Variants in C8A observed in about 807,000 individuals in gnomAD.
The protein encoded by C8A is complement component C8 alpha chain.
In C8A, 67 loss-of-function variants were observed where a neutral mutation model predicts 65.3. That is an observed-to-expected ratio of 1.03 (90% CI 0.84 to 1.26). C8A has a LOEUF of 1.26. C8A is among the 50% of genes most tolerant of loss of function. C8A has a pLI of 0.00. For synonymous variants in C8A, 290 were observed against 259.4 expected, an observed-to-expected ratio of 1.12 and a Z score of -1.13; for missense variants, 781 against 723.9, an observed-to-expected ratio of 1.08 and a Z score of -0.90.
At chr1:56,855,046 T>C (rs1643960148) in intron 1 of C8A, 68 bp downstream of exon 1, 3 of 1,163,934 alleles carry the variant, frequency 2.6e-6, no homozygotes, top group African/African-American at 3.0e-5. Context: ...TAAGACACTT[T>C]TATGTTTGCA....
At chr1:56,885,439 AGTAAATAT>A (rs1644290105) in intron 6 of C8A, among the ~76,000 whole-genome samples, 11 of 119,450 alleles carry the variant, frequency 9.2e-5, no homozygotes, top group African/African-American at 4.1e-4. Context: ...TATATATTTA[AGTAAATAT>A]ATATATATTT....
chr1:56,882,763 C>T (rs6588657), intron 5 of C8A, among the ~76,000 whole-genome samples: 15,332 of 152,148 alleles, frequency 0.1, 999 homozygotes, highest in Non-Finnish European at 0.15. Flanking sequence ...TCAGGCAAGA[C>T]GGACTAAGTG....
chr1:56,879,015 C>T (rs1010018306), intron 4 of C8A, among the ~76,000 whole-genome samples: 2 of 152,204 alleles, frequency 1.3e-5, no homozygotes, highest in Non-Finnish European at 2.9e-5. Flanking sequence ...TCTTCTATAA[C>T]ATAGTTAGCA....
At chr1:56,911,821 T>C (rs538570575) in intron 9 of C8A, among the ~76,000 whole-genome samples, 6 of 152,216 alleles carry the variant, frequency 3.9e-5, no homozygotes, top group Non-Finnish European at 7.3e-5. Context: ...ACAACAACAC[T>C]ACCTGTCAAG....
intron 4 of C8A, among the ~76,000 whole-genome samples, chr1:56,880,305 G>T (rs1644237660): frequency 6.6e-6 from 1 of 152,000 alleles, no homozygotes; most frequent in African/African-American, 2.4e-5. Context: ...ACTCTAGAAA[G>T]GAAAGTATAG....
At chr1:56,913,529 A>T (rs2101313348) in intron 10 of C8A, among the ~76,000 whole-genome samples, 1 of 152,354 alleles carries the variant, frequency 6.6e-6, no homozygotes, top group African/African-American at 2.4e-5. Flanking sequence ...CAGATACTTT[A>T]CTAAGTCACT....
rs762930415 is a variant in C8A, at chr1:56,875,091, C to G, written c.314C>G (p.Thr105Arg). Residue 105 changes from threonine to arginine, a missense_variant and splice_region_variant, in exon 3 of 11, where the codon ACA (threonine) becomes AGA (arginine). Transcript: ENST00000361249. ...GGACAGGATTTCCAGTGTAAGGAGA[C>G]AGGTGAGTAGCATTTCAGCAGAATA... ...QCGQDFQCKE[T>R]GRCLKRHLVC... 6.2e-7 allele frequency: 1 copy of G among 1,613,398 alleles called. No homozygotes were observed.
At chr1:56,906,867 T>C (rs1644470574) in intron 8 of C8A, 75 bp downstream of exon 8, 3 of 1,579,904 alleles carry the variant, frequency 1.9e-6, no homozygotes, top group Admixed American at 3.3e-5. Context: ...ACATGGAAGC[T>C]ATTTTTTTTC....
In C8A at chr1:56,890,724, T is replaced by G. The variant is rs74075641; in HGVS notation, c.1096+4557T>G. On this transcript the variant is annotated intron_variant, in intron 7 of 10. Coordinates refer to ENST00000361249, the MANE Select transcript of C8A (RefSeq NM_000562.3). ...TTACTATAGTCTAGAGTCTTTGTAT[T>G]AGCCGTCTTCTTTGCCGGAACCACC... 5.2e-3 allele frequency among the ~76,000 whole-genome samples: 787 copies of G among 152,224 alleles called. 10 individuals are homozygous for G. The highest frequency in any genetic ancestry group is 0.018 in the African/African-American group (759 of 41,542).
rs141504393 is a variant in C8A, at chr1:56,907,971, C to T, written c.1238C>T (p.Ala413Val). The change falls in exon 9 of 11, where the codon GCC becomes GTC. Residue 413 changes from alanine (A) to valine (V), a missense_variant. By Grantham distance (64) the Ala-to-Val change is moderately conservative. Transcript: ENST00000361249. ...TTGATGGCAGAAAGGGCCAGGAAGG[C>T]CATGGCTGTGGAAGACATTATTTCT... ...GGGKTERARK[A>V]MAVEDIISRV... The T allele has an allele frequency of 6.2e-7, 1 of 1,614,172 alleles. No individual in the cohort carries two copies. The highest frequency in any genetic ancestry group is 1.3e-5 in the African/African-American group (1 of 75,050).
At chr1:56,899,306 C>T (rs1444767830) in intron 7 of C8A, among the ~76,000 whole-genome samples, 1 of 152,162 alleles carries the variant, frequency 6.6e-6, no homozygotes, top group East Asian at 1.9e-4. Context: ...CAGAGCCATC[C>T]TTAGCTCTCT....
chr1:56,879,425 A>G (rs543490678), intron 4 of C8A, among the ~76,000 whole-genome samples: 1 of 152,270 alleles, frequency 6.6e-6, no homozygotes, highest in East Asian at 1.9e-4. Flanking sequence ...TTCCAAATAT[A>G]TATAGGCTTT....
At chr1:56,909,064 C>G (rs1473949347) in intron 9 of C8A, among the ~76,000 whole-genome samples, 1 of 152,228 alleles carries the variant, frequency 6.6e-6, no homozygotes, top group African/African-American at 2.4e-5. Flanking sequence ...AATATCTGGC[C>G]TCAAGTGTCA....
intron 8 of C8A, 24 bp from the exon 9 acceptor site, chr1:56,907,932 T>C: frequency 6.2e-7 from 1 of 1,614,014 alleles, no homozygotes; most frequent in East Asian, 2.2e-5. Context: ...AATGAGTTAA[T>C]GCAGTTTATC....
intron 7 of C8A, among the ~76,000 whole-genome samples, chr1:56,888,593 C>G (rs1389788840): frequency 1.3e-5 from 2 of 152,108 alleles, no homozygotes; most frequent in African/African-American, 4.8e-5. Flanking sequence ...TTCAATAAAT[C>G]TTTTCCAGTT....
At chr1:56,906,335 C>T (rs1644463610) in intron 7 of C8A, among the ~76,000 whole-genome samples, 1 of 152,128 alleles carries the variant, frequency 6.6e-6, no homozygotes, top group Admixed American at 6.5e-5. Context: ...CCTATCATGG[C>T]CCGGGCACTG....
intron 2 of C8A, among the ~76,000 whole-genome samples, chr1:56,873,486 C>T (rs973903218): frequency 6.6e-6 from 1 of 152,160 alleles, no homozygotes; most frequent in African/African-American, 2.4e-5. Flanking sequence ...CATGTCCATG[C>T]TCTGTCAACT....
chr1:56,877,148 AAG>A (rs1484070399), intron 4 of C8A, among the ~76,000 whole-genome samples: 1 of 152,162 alleles, frequency 6.6e-6, no homozygotes, highest in East Asian at 1.9e-4. Flanking sequence ...TTGAGACAGG[AAG>A]AGAGCCTCCA....
chr1:56,906,484 G>T (rs1303466754), intron 7 of C8A, among the ~76,000 whole-genome samples, 183 bp from the exon 8 acceptor site: 3 of 152,160 alleles, frequency 2.0e-5, no homozygotes, highest in Admixed American at 2.0e-4. Context: ...CTCATTTCAA[G>T]AATTATTTTG....
Sources: allele counts gnomAD v4.1 joint callset (sites outside exome capture counted in the v4.1 genomes callset), GRCh38; gene constraint gnomAD v4.1.1; transcripts MANE v1.5; gene names NCBI Gene and HGNC (gene_info 2026-07-23, HGNC 2026-07-21).